HEATR1: variants seen among roughly 807,000 people sequenced by gnomAD.
The protein encoded by HEATR1 is HEAT repeat containing 1.
Under a neutral mutation model 248.2 loss-of-function variants are expected in HEATR1, and 77 were observed. That is an observed-to-expected ratio of 0.31 (90% CI 0.26 to 0.37). HEATR1 has a LOEUF of 0.37. Ranked by LOEUF, HEATR1 falls within the 10% of genes least tolerant of loss-of-function variation. The pLI is 1.00. For synonymous variants in HEATR1, 897 were observed against 923.1 expected (o/e 0.97, Z 0.51); for missense variants, 2,420 against 2,504.9 (o/e 0.97, Z 0.72).
At chr1:236,601,688 C>G (rs1003135293) in intron 3 of HEATR1, among the ~76,000 whole-genome samples, 1 of 149,342 alleles carries the variant, frequency 6.7e-6, no homozygotes, top group African/African-American at 2.5e-5. Flanking sequence ...AAAAAAAAAA[C>G]TAGGTGGGCA....
Position 236,576,916 on chromosome 1 carries a change from G to A in HEATR1, c.2789C>T (p.Pro930Leu), listed in dbSNP as rs1294243318. The A allele has an allele frequency of 6.2e-7, 1 of 1,609,732 alleles. No individual in the cohort carries two copies. The highest frequency in any genetic ancestry group is 8.5e-7 in the Non-Finnish European group (1 of 1,178,542). Reference protein sequence around the residue: ...VTSLLINLGSPVKEVRRAAIQ... With the variant: ...VTSLLINLGSLVKEVRRAAIQ... ...GGCAGCCCTACGAACTTCTTTTACG[G>A]GGCTTCCCAGGTTAATGAGTAAAGA... is the stretch of plus-strand genomic sequence containing the variant. The change falls in exon 21 of 45, where the codon CCC becomes CTC. Residue 930 changes from proline to leucine, a missense_variant. By Grantham distance (98) the Pro-to-Leu change is moderately conservative (BLOSUM62 -3). Transcript: ENST00000366582.
intron 3 of HEATR1, among the ~76,000 whole-genome samples, chr1:236,600,421 A>G (rs1664290750): frequency 6.6e-6 from 1 of 151,530 alleles, no homozygotes; most frequent in Non-Finnish European, 1.5e-5. Flanking sequence ...GTGAGCCACC[A>G]TGCCTGGCTA....
intron 12 of HEATR1, among the ~76,000 whole-genome samples, chr1:236,589,454 TTAAGTA>T (rs1663974468): frequency 1.3e-5 from 2 of 152,122 alleles, no homozygotes; most frequent in African/African-American, 4.8e-5. Context: ...CAACTTAAAA[TTAAGTA>T]TAACTCCTTC....
chr1:236,560,720 A>G (rs1238135795), intron 33 of HEATR1, among the ~76,000 whole-genome samples: 2 of 152,234 alleles, frequency 1.3e-5, no homozygotes, highest in Non-Finnish European at 2.9e-5. Flanking sequence ...AGAAAGGAAA[A>G]TTCCTGCACC....
At chr1:236,586,504 T>A (rs778394826) in intron 14 of HEATR1, 52 bp from the exon 15 acceptor site, 9 of 1,268,306 alleles carry the variant, frequency 7.1e-6, no homozygotes, top group Non-Finnish European at 1.0e-5. Context: ...AAGGCTTCAA[T>A]TGGGCAAAAA....
Position 236,595,808 on chromosome 1 carries a change from C to T in HEATR1, c.956+25G>A, listed in dbSNP as rs201648807. 4 of 1,583,720 alleles carry T rather than the reference C, an allele frequency of 2.5e-6. No individual in the cohort carries two copies. The African/African-American group carries it at 4.0e-5, about 16-fold the overall frequency. On this transcript the variant is annotated intron_variant, in intron 7 of 44. Coordinates refer to ENST00000366582, the MANE Select transcript of HEATR1 (RefSeq NM_018072.6). ...AATTTTATTCACCTCTGACTAGCAC[C>T]ATTTCTCAATTCAATTGTACATACT...
intron 31 of HEATR1, among the ~76,000 whole-genome samples, chr1:236,564,978 T>A (rs2103129983): frequency 6.6e-6 from 1 of 150,824 alleles, no homozygotes; most frequent in South Asian, 2.1e-4. Context: ...GTAGATTTCT[T>A]TATTCAATGT....
chr1:236,567,370 G>C (rs1186837833), intron 29 of HEATR1, among the ~76,000 whole-genome samples: 1 of 152,170 alleles, frequency 6.6e-6, no homozygotes, highest in Non-Finnish European at 1.5e-5. Context: ...GGAATACAAA[G>C]TGTACGATAT....
chr1:236,563,724 G>A (rs907631244), intron 32 of HEATR1, among the ~76,000 whole-genome samples: 3 of 152,052 alleles, frequency 2.0e-5, no homozygotes, highest in Admixed American at 6.6e-5. Flanking sequence ...ATTCCTGGTC[G>A]TATTCCTTTC....
rs374651116 is a variant in HEATR1 at position 236,572,675 on chromosome 1, T to C, written c.3563+50A>G. The C allele has an allele frequency of 4.1e-4, 650 of 1,599,132 alleles. 6 individuals carry two copies. In the Middle Eastern group the frequency reaches 7.8e-3, roughly 19 times the overall value. On this transcript the variant is annotated intron_variant, in intron 25 of 44. Coordinates refer to ENST00000366582, the MANE Select transcript of HEATR1 (RefSeq NM_018072.6). ...AAAAAGTTCCAATGGTTTCATAACA[T>C]TCAGAGTCAGGGAACAACAGCATGT... is the stretch of plus-strand genomic sequence containing the variant.
intron 22 of HEATR1, 95 bp from the exon 23 acceptor site, chr1:236,574,998 G>A (rs1239459297): frequency 5.7e-6 from 7 of 1,235,292 alleles, no homozygotes; most frequent in Admixed American, 5.1e-5. Flanking sequence ...GAAGATGGGA[G>A]TTTAGCCTGG....
At position 236,555,545 on chromosome 1, in the gene HEATR1, C is replaced by T. The variant is rs143770634; in HGVS notation, c.5754+6G>A. On this transcript the variant is annotated splice_donor_region_variant and intron_variant, in intron 40 of 44. Transcript: ENST00000366582. ...ACAAAAGAGAGGAAGAGGAAGAAAGCGTCACCTTGAAGAACAGGGGCCTGA... is the reference window on the plus strand; with the variant it reads ...ACAAAAGAGAGGAAGAGGAAGAAAGTGTCACCTTGAAGAACAGGGGCCTGA... 5.8e-5 allele frequency: 94 copies of T among 1,613,918 alleles called. No individual in the cohort carries two copies. The highest frequency in any genetic ancestry group is 2.2e-4 in the Admixed American group (13 of 59,996).
rs1399350520 is a variant in HEATR1, at chr1:236,569,028, T to C, written c.4045A>G (p.Thr1349Ala). 1 of 1,609,320 alleles carries C rather than the reference T, an allele frequency of 6.2e-7. No homozygotes were observed. The highest frequency in any genetic ancestry group is 1.3e-5 in the African/African-American group (1 of 74,752). Residue 1349 changes from threonine to alanine, a missense_variant, in exon 29 of 45, where the codon ACA becomes GCA. Transcript: ENST00000366582. ...DTYSFQVINK[T>A]VKMVIPALIQ... is the part of the protein sequence containing the mutation. ...AGTGCGGGAATAACCATTTTCACTG[T>C]CTTGTTAATAACTTGAAAACTGTAA... is the stretch of plus-strand genomic sequence containing the variant.
chr1:236,570,244 G>A (rs565543026), intron 28 of HEATR1, among the ~76,000 whole-genome samples: 10 of 152,262 alleles, frequency 6.6e-5, no homozygotes, highest in South Asian at 2.1e-4. Flanking sequence ...AGCTGAGATC[G>A]CGCCACTGCA....
chr1:236,575,039 G>T, intron 22 of HEATR1, 136 bp from the exon 23 acceptor site: 1 of 730,038 alleles, frequency 1.4e-6, no homozygotes, highest in Non-Finnish European at 2.2e-6. Context: ...TAACTTCTTA[G>T]ACATGGAGAC....
In HEATR1 at chr1:236,571,380, G is replaced by C; in HGVS notation, c.3919C>G (p.Leu1307Val). 6.2e-7 allele frequency: 1 copy of C among 1,604,912 alleles called. No homozygotes were observed. The highest frequency in any genetic ancestry group is 8.5e-7 in the Non-Finnish European group (1 of 1,177,998). The part of the protein sequence containing the change: ...MPQTHHHALL[L>V]LGTVAGIFPD... ...AATATTCCAGCAACAGTGCCCAAAA[G>C]TAAAAGGGCATGGTGATGGGTCTGC... Residue 1307 changes from leucine to valine, a missense_variant, in exon 28 of 45, where the codon CTT becomes GTT. Coordinates refer to ENST00000366582, the MANE Select transcript of HEATR1 (RefSeq NM_018072.6).
intron 3 of HEATR1, 63 bp downstream of exon 3, chr1:236,603,097 A>T: frequency 2.4e-6 from 3 of 1,228,120 alleles, no homozygotes; most frequent in African/African-American, 1.5e-5. Flanking sequence ...GTTCTCAACT[A>T]CTTAATTTTT....
intron 26 of HEATR1, 110 bp from the exon 27 acceptor site, chr1:236,571,796 G>C: frequency 2.8e-6 from 2 of 722,416 alleles, no homozygotes; most frequent in South Asian, 3.3e-5. Flanking sequence ...CATTCAATAA[G>C]GAATAACTAA....
intron 4 of HEATR1, 137 bp from the exon 5 acceptor site, chr1:236,598,116 G>T: frequency 1.9e-6 from 1 of 531,584 alleles, no homozygotes; most frequent in Non-Finnish European, 3.3e-6. Context: ...AACTGGTGGT[G>T]GTGATGAAAT....
Sources: allele counts gnomAD v4.1 joint callset (sites outside exome capture counted in the v4.1 genomes callset), GRCh38; gene constraint gnomAD v4.1.1; transcripts MANE v1.5; gene names NCBI Gene and HGNC (gene_info 2026-07-23, HGNC 2026-07-21).